GLP2R: variants seen among roughly 807,000 people sequenced by gnomAD.
The protein encoded by GLP2R is glucagon like peptide 2 receptor.
GLP2R carries 59 observed loss-of-function variants against 68.2 expected under a neutral mutation model. The ratio of observed to expected loss-of-function variants is 0.87; its 90% CI spans 0.70 to 1.07. The LOEUF is 1.07. Among genes scored for constraint, GLP2R ranks in the 50% least tolerant of loss-of-function variants. The pLI is 0.00. For missense variants in GLP2R, 548 were observed against 677.4 expected (o/e 0.81, Z 2.12); for synonymous variants, 270 against 265.4 (o/e 1.02, Z -0.17).
intron 2 of GLP2R, among the ~76,000 whole-genome samples, chr17:9,835,089 C>G (rs962704673): frequency 1.1e-4 from 15 of 137,008 alleles, no homozygotes; most frequent in Non-Finnish European, 2.1e-4. Flanking sequence ...AGTGCAGTGG[C>G]GCGATCTCAG....
At chr17:9,873,574 T>TTTTTTTTTTTTTTTTTTTTTTTTTTTTC in intron 10 of GLP2R, among the ~76,000 whole-genome samples, 1 of 145,372 alleles carries the variant, frequency 6.9e-6, no homozygotes, top group Non-Finnish European at 1.5e-5. Flanking sequence ...TTTTTTTTTT[T>TTTTTTTTTTTTTTTTTTTTTTTTTTTTC]TTTTTAGCTC....
In GLP2R at chr17:9,833,839, G is replaced by A. The variant is rs770646454; in HGVS notation, c.222G>A (p.Arg74=). ...GATCCCTCCTTGAGGAAACGACTCG[G>A]AAGTGGGCTCAGTACAAACAGGCAT... ...VTGSLLEETT[R]KWAQYKQACL... The change falls in exon 2 of 13, where the codon CGG becomes CGA. Residue 74 remains arginine (R), a synonymous_variant. Coordinates refer to ENST00000262441, the MANE Select transcript of GLP2R (RefSeq NM_004246.3). The A allele has an allele frequency of 6.2e-7, 1 of 1,613,536 alleles. No individual in the cohort carries two copies. Among genetic ancestry groups the A allele is most frequent in the Non-Finnish European group, 8.5e-7 (1 of 1,179,660 alleles).
At position 9,889,420 on chromosome 17, in the gene GLP2R, C is replaced by T. The variant is rs2067270570; in HGVS notation, c.1377C>T (p.His459=). 1.2e-6 allele frequency: 2 copies of T among 1,614,088 alleles called. No homozygotes were observed. The highest frequency in any genetic ancestry group is 1.7e-5 in the Admixed American group (1 of 60,014). Residue 459 remains histidine (H), a synonymous_variant, in exon 13 of 13, where the codon CAC becomes CAT. Coordinates refer to ENST00000262441, the MANE Select transcript of GLP2R (RefSeq NM_004246.3). ...KYWVRFLLAR[H]SGCRACVLGK... ...GGGTCCGCTTCTTGCTAGCCCGCCA[C>T]TCAGGCTGCAGAGCCTGTGTCCTGG...
intron 4 of GLP2R, among the ~76,000 whole-genome samples, chr17:9,844,293 T>C (rs1390948735): frequency 6.6e-6 from 1 of 152,200 alleles, no homozygotes; most frequent in Non-Finnish European, 1.5e-5. Flanking sequence ...CTAACTTATG[T>C]GTTGACAGAT....
chr17:9,836,904 T>C (rs1188817138), intron 3 of GLP2R, among the ~76,000 whole-genome samples: 2 of 152,004 alleles, frequency 1.3e-5, no homozygotes, highest in Non-Finnish European at 2.9e-5. Context: ...GGCTGGAGTG[T>C]GGTGGCGCGA....
chr17:9,884,687 T>G (rs1257928863), intron 11 of GLP2R, among the ~76,000 whole-genome samples: 1 of 152,104 alleles, frequency 6.6e-6, no homozygotes, highest in Non-Finnish European at 1.5e-5. Context: ...GACAATATTT[T>G]TTTCCCTCCT....
At chr17:9,843,601 C>A (rs946323352) in intron 4 of GLP2R, among the ~76,000 whole-genome samples, 4 of 152,206 alleles carry the variant, frequency 2.6e-5, no homozygotes, top group African/African-American at 9.7e-5. Context: ...ATGCTTCAGA[C>A]TTCTCTCCAC....
chr17:9,870,157 G>A (rs919341493), intron 9 of GLP2R, among the ~76,000 whole-genome samples: 7 of 152,080 alleles, frequency 4.6e-5, no homozygotes, highest in African/African-American at 1.7e-4. Flanking sequence ...CATGAATCTG[G>A]GTTTAATTAC....
rs559624315 is a variant in GLP2R at position 9,837,792 on chromosome 17, A to T, written c.382+1317A>T. 4.6e-5 allele frequency among the ~76,000 whole-genome samples: 7 copies of T among 152,348 alleles called. No homozygotes were observed. In the East Asian group the frequency reaches 1.4e-3, roughly 29 times the overall value. Reference sequence around the variant, plus strand: ...TTACCACAGACCACCAGCAAATACAAGGACAACTAAAACTGTTCTCAGGAA... The same window carrying T: ...TTACCACAGACCACCAGCAAATACATGGACAACTAAAACTGTTCTCAGGAA... On this transcript the variant is annotated intron_variant, in intron 3 of 12. Transcript: ENST00000262441.
intron 2 of GLP2R, 32 bp downstream of exon 2, chr17:9,833,926 G>T (rs2152030317): frequency 1.5e-6 from 2 of 1,353,640 alleles, no homozygotes; most frequent in East Asian, 4.6e-5. Flanking sequence ...CCGTGGCTGT[G>T]TAACAAATTG....
intron 10 of GLP2R, among the ~76,000 whole-genome samples, chr17:9,879,291 TAAATAAAATAAAATA>T (rs1555574075): frequency 0.016 from 434 of 26,760 alleles, 2 homozygotes; most frequent in Non-Finnish European, 0.022. Flanking sequence ...TAAAATAAAA[TAAATAAAATAAAATA>T]AAATAAAATA....
chr17:9,861,440 C>T (rs12150182), intron 8 of GLP2R, among the ~76,000 whole-genome samples: 23,463 of 151,858 alleles, frequency 0.15, 2,339 homozygotes, highest in Non-Finnish European at 0.23. Context: ...GCCCTGGGTA[C>T]GTAAGGACAA....
chr17:9,873,686 C>T (rs1418332839), intron 10 of GLP2R, among the ~76,000 whole-genome samples: 1 of 151,156 alleles, frequency 6.6e-6, no homozygotes, highest in Non-Finnish European at 1.5e-5. Flanking sequence ...ACCCCTGCTG[C>T]AGAGTCTCCC....
Position 9,842,489 on chromosome 17 carries a change from T to C in GLP2R, c.383-6T>C. The C allele has an allele frequency of 6.2e-7, 1 of 1,614,130 alleles. No individual in the cohort carries two copies. The highest frequency in any genetic ancestry group is 1.1e-5 in the South Asian group (1 of 91,076). On this transcript the variant is annotated splice_region_variant and splice_polypyrimidine_tract_variant and intron_variant, in intron 3 of 12. Coordinates refer to ENST00000262441, the MANE Select transcript of GLP2R (RefSeq NM_004246.3). ...ACCTTTCCTCCAGAGCTTTGTTTAC[T>C]TTCAGAGAGCTCAGGAAGGGCCTAC... is the stretch of plus-strand genomic sequence containing the variant.
chr17:9,869,487 C>T (rs2067072077), intron 9 of GLP2R, among the ~76,000 whole-genome samples: 1 of 152,258 alleles, frequency 6.6e-6, no homozygotes, highest in South Asian at 2.1e-4. Flanking sequence ...CTGCTTTTCA[C>T]CACTTCCAGG....
rs547056877 is a variant in GLP2R at position 9,862,832 on chromosome 17, C to T, written c.1056+742C>T. Among the ~76,000 whole-genome samples, 28 of 152,274 alleles carry T rather than the reference C, an allele frequency of 1.8e-4. No homozygotes were observed. The East Asian group carries it at 5.2e-3, about 28-fold the overall frequency. On this transcript the variant is annotated intron_variant, in intron 9 of 12. Coordinates refer to ENST00000262441, the MANE Select transcript of GLP2R (RefSeq NM_004246.3). ...GCTGAACACTACGTGTTGTTCTCTG[C>T]CCACCCTGTTCCCCAAGGGGTTGCT... is the stretch of plus-strand genomic sequence containing the variant.
At chr17:9,857,054 T>A (rs2066940103) in intron 5 of GLP2R, among the ~76,000 whole-genome samples, 1 of 152,106 alleles carries the variant, frequency 6.6e-6, no homozygotes. Context: ...CCCAAGTAGC[T>A]GGGATTACAG....
chr17:9,839,801 C>T (rs1005240985), intron 3 of GLP2R, among the ~76,000 whole-genome samples: 1 of 152,128 alleles, frequency 6.6e-6, no homozygotes, highest in Non-Finnish European at 1.5e-5. Context: ...CCTGGTCCAG[C>T]TCTTGCCACT....
At chr17:9,889,073 A>G (rs1025704614) in intron 12 of GLP2R, among the ~76,000 whole-genome samples, 1 of 152,146 alleles carries the variant, frequency 6.6e-6, no homozygotes, top group Non-Finnish European at 1.5e-5. Context: ...CTGTATCTTC[A>G]TGCAGGGGGC....
Sources: allele counts gnomAD v4.1 joint callset (sites outside exome capture counted in the v4.1 genomes callset), GRCh38; gene constraint gnomAD v4.1.1; transcripts MANE v1.5; gene names NCBI Gene and HGNC (gene_info 2026-07-23, HGNC 2026-07-21).